Variants in DLG1 observed in about 807,000 individuals in gnomAD.
DLG1 encodes disks large homolog 1.
A neutral mutation model predicts 123.4 loss-of-function variants in DLG1; 42 were observed. That is an observed-to-expected ratio of 0.34 (90% CI 0.27 to 0.44). The LOEUF (loss-of-function observed/expected upper bound fraction) is 0.44, where lower values mean the gene tolerates loss of function less well. DLG1 is among the 20% of genes least tolerant of loss of function. The pLI is 1.00. For synonymous variants in DLG1, 317 were observed against 356.2 expected (o/e 0.89, Z 1.24); for missense variants, 942 against 1,082.6 (o/e 0.87, Z 1.82).
At chr3:197,122,362 T>C (rs1422178290) in intron 11 of DLG1, among the ~76,000 whole-genome samples, 1 of 152,082 alleles carries the variant, frequency 6.6e-6, no homozygotes, top group Non-Finnish European at 1.5e-5. Context: ...CCATATACAA[T>C]GGTGAAATAC....
intron 14 of DLG1, 36 bp downstream of exon 14, chr3:197,104,862 CTAAAA>C (rs1765505330): frequency 7.3e-7 from 1 of 1,362,056 alleles, no homozygotes; most frequent in Non-Finnish European, 1.0e-6. Flanking sequence ...ATTTTAAAAA[CTAAAA>C]TAAGCAATAA....
chr3:197,298,445 C>T, intron 1 of DLG1, 91 bp downstream of exon 1: 1 of 398,764 alleles, frequency 2.5e-6, no homozygotes, highest in Non-Finnish European at 4.4e-6. Context: ...GCGCGTCCCG[C>T]AGTTCCGAAC....
At chr3:197,255,609 A>G (rs1756479416) in intron 4 of DLG1, among the ~76,000 whole-genome samples, 1 of 152,228 alleles carries the variant, frequency 6.6e-6, no homozygotes, top group Admixed American at 6.5e-5. Flanking sequence ...CAAAAAGTAG[A>G]AACAATTCAA....
At chr3:197,075,883 G>A (rs1367475528) in intron 18 of DLG1, 1 of 1,609,406 alleles carries the variant, frequency 6.2e-7, no homozygotes, top group Non-Finnish European at 8.5e-7. Context: ...GTAGAGGGTA[G>A]TCCCCAGAGA....
chr3:197,133,841 A>G (rs538014959), intron 10 of DLG1, among the ~76,000 whole-genome samples: 63 of 152,308 alleles, frequency 4.1e-4, no homozygotes, highest in African/African-American at 1.3e-3. Context: ...AAAGTGTTAG[A>G]AGGAGGAAGG....
chr3:197,052,820 A>G (rs1728853195), intron 23 of DLG1, among the ~76,000 whole-genome samples: 1 of 152,192 alleles, frequency 6.6e-6, no homozygotes, highest in African/African-American at 2.4e-5. Context: ...TAAAAGAGAG[A>G]TGTGGAGAGA....
At chr3:197,197,413 T>C (rs1723094355) in intron 4 of DLG1, among the ~76,000 whole-genome samples, 1 of 152,258 alleles carries the variant, frequency 6.6e-6, no homozygotes, top group Non-Finnish European at 1.5e-5. Flanking sequence ...TTTTCATTAA[T>C]GCAATGGAAT....
chr3:197,172,982 C>T (rs1467603336), intron 5 of DLG1, among the ~76,000 whole-genome samples: 1 of 152,144 alleles, frequency 6.6e-6, no homozygotes, highest in Non-Finnish European at 1.5e-5. Flanking sequence ...TCTGAGGTTC[C>T]ACTAATTTCA....
chr3:197,287,967 ATATAG>A (rs1372748271), intron 3 of DLG1, among the ~76,000 whole-genome samples: 2 of 152,254 alleles, frequency 1.3e-5, no homozygotes, highest in Non-Finnish European at 2.9e-5. Flanking sequence ...TGTCCTAAGA[ATATAG>A]TAAAGAATTG....
intron 7 of DLG1, among the ~76,000 whole-genome samples, chr3:197,140,492 T>C (rs935243451): frequency 2.0e-5 from 3 of 152,214 alleles, no homozygotes; most frequent in Non-Finnish European, 4.4e-5. Context: ...CCAAGGACTT[T>C]TGAAGTATAC....
chr3:197,224,407 C>T (rs1349129554), intron 4 of DLG1, among the ~76,000 whole-genome samples: 1 of 152,076 alleles, frequency 6.6e-6, no homozygotes, highest in Admixed American at 6.5e-5. Flanking sequence ...CAGTGATTAG[C>T]TTTATAAAAA....
At chr3:197,110,311 G>T (rs1769148359) in intron 13 of DLG1, among the ~76,000 whole-genome samples, 1 of 152,026 alleles carries the variant, frequency 6.6e-6, no homozygotes, top group African/African-American at 2.4e-5. Context: ...TTAAGTTACT[G>T]TACTTTCCAA....
chr3:197,155,992 A>T (rs982620030), intron 5 of DLG1, among the ~76,000 whole-genome samples: 2 of 152,210 alleles, frequency 1.3e-5, no homozygotes, highest in African/African-American at 4.8e-5. Flanking sequence ...AACAAAGTCA[A>T]TATTGGTAAA....
intron 4 of DLG1, among the ~76,000 whole-genome samples, chr3:197,254,635 A>G (rs1755983913): frequency 6.6e-6 from 1 of 152,252 alleles, no homozygotes. Context: ...GCAATTTTTA[A>G]ATACACAGGA....
intron 22 of DLG1, among the ~76,000 whole-genome samples, chr3:197,061,547 G>A (rs1328598979): frequency 6.6e-6 from 1 of 151,088 alleles, no homozygotes; most frequent in East Asian, 1.9e-4. Flanking sequence ...GTATTTAGTT[G>A]TAAAGTCTCC....
At chr3:197,275,268 G>A (rs1175792305) in intron 4 of DLG1, among the ~76,000 whole-genome samples, 1 of 152,064 alleles carries the variant, frequency 6.6e-6, no homozygotes, top group East Asian at 1.9e-4. Context: ...ACAGATTCTG[G>A]CTACGGATGT....
chr3:197,260,790 A>G (rs1430199780), intron 4 of DLG1, among the ~76,000 whole-genome samples: 19 of 149,500 alleles, frequency 1.3e-4, no homozygotes, highest in African/African-American at 4.7e-4. Context: ...AAAAATCACT[A>G]AAAATATGCA....
In DLG1 at chr3:197,241,820, G is replaced by A. The variant is rs148414385; in HGVS notation, c.318+40859C>T. ...TTTTTGTAAACCTCATGGTAACCAC[G>A]ATGCAAAAACCTATAACAAATTCAC... On this transcript the variant is annotated intron_variant, in intron 4 of 24. Transcript: ENST00000667157. Among the ~76,000 whole-genome samples the A allele has an allele frequency of 8.4e-3, 1,282 of 151,930 alleles. 18 individuals carry two copies. Among genetic ancestry groups the A allele is most frequent in the African/African-American group, 0.029 (1,214 of 41,410 alleles).
chr3:197,245,188 T>C (rs989709406), intron 4 of DLG1, among the ~76,000 whole-genome samples: 1 of 152,194 alleles, frequency 6.6e-6, no homozygotes, highest in Non-Finnish European at 1.5e-5. Flanking sequence ...TTATTTCTAA[T>C]ATCTGGGCTA....
Sources: allele counts gnomAD v4.1 joint callset (sites outside exome capture counted in the v4.1 genomes callset), GRCh38; gene constraint gnomAD v4.1.1; transcripts MANE v1.5; gene names NCBI Gene and HGNC (gene_info 2026-07-23, HGNC 2026-07-21).